Variants in COL19A1 observed in about 807,000 individuals in gnomAD.
COL19A1 encodes collagen type XIX alpha 1 chain, also known as collagen alpha-1(XIX) chain.
A neutral mutation model predicts 190.2 loss-of-function variants in COL19A1; 159 were observed. That is an observed-to-expected ratio of 0.84 (90% CI 0.73 to 0.95). COL19A1 has a LOEUF of 0.95. COL19A1 is among the 40% of genes least tolerant of loss of function. COL19A1 has a pLI of 0.00. For synonymous variants in COL19A1, 509 were observed against 458.9 expected, an observed-to-expected ratio of 1.11 and a Z score of -1.39; for missense variants, 1,418 against 1,431.9, an observed-to-expected ratio of 0.99 and a Z score of 0.16.
At chr6:70,091,264 G>A (rs760574059) in intron 15 of COL19A1, among the ~76,000 whole-genome samples, 12 of 152,046 alleles carry the variant, frequency 7.9e-5, no homozygotes, top group Non-Finnish European at 1.3e-4. Flanking sequence ...TCACTAATTT[G>A]CCTCACCCTT....
intron 16 of COL19A1, among the ~76,000 whole-genome samples, chr6:70,109,118 T>C (rs1010013009): frequency 3.3e-5 from 5 of 152,112 alleles, no homozygotes; most frequent in African/African-American, 9.7e-5. Flanking sequence ...CAATGGTTAA[T>C]AAGCAGTTAA....
chr6:70,171,876 G>A lies in COL19A1; in HGVS notation c.2569-88G>A, dbSNP rs150062659. 11,404 of 1,263,366 alleles carry A rather than the reference G, an allele frequency of 9.0e-3. 80 individuals are homozygous for A. Among genetic ancestry groups the A allele is most frequent in the Middle Eastern group, 0.018 (95 of 5,416 alleles). 78.3% of individuals were successfully genotyped at this position (1,263,366 alleles called of 1,614,324 possible). A position where few individuals can be genotyped will look rare whatever the true frequency, so the allele number is the denominator to read the frequency against. On this transcript the variant is annotated intron_variant, in intron 40 of 50. Transcript: ENST00000620364. ...ACACATCAATGTTTGGGGTGGGAAG[G>A]TTAAGCAAAAAAATCTTTGCTTTGG...
rs556851857 is a variant in COL19A1, at chr6:69,871,809, ATT to A, written c.-33+5191_-33+5192del. Among the ~76,000 whole-genome samples the A allele has an allele frequency of 7.2e-3, 796 of 110,158 alleles. 8 individuals are homozygous for A. The highest frequency in any genetic ancestry group is 0.019 in the African/African-American group (535 of 28,870). The allele number at this position is 110,158 out of a possible 152,430, so 72.3% of individuals were successfully genotyped here. A position where few individuals can be genotyped will look rare whatever the true frequency, so the allele number is the denominator to read the frequency against. ...GACCATCTTATTTAGCAAGTCCACCATTTTTTTTTTTTTTTTTTTTTTTGAAA... is the reference window on the plus strand; with the variant it reads ...GACCATCTTATTTAGCAAGTCCACCATTTTTTTTTTTTTTTTTTTTTGAAA... On this transcript the variant is annotated intron_variant, in intron 1 of 50. Coordinates refer to ENST00000620364, the MANE Select transcript of COL19A1 (RefSeq NM_001858.6).
In COL19A1 at chr6:69,921,231, T is replaced by C. The variant is rs1024681414; in HGVS notation, c.267-6678T>C. On this transcript the variant is annotated intron_variant, in intron 4 of 50. Transcript: ENST00000620364. The stretch of plus-strand genomic sequence containing the variant: ...TTCATATATAATATATCCATATGTA[T>C]TATATATCCATATATGTCATATATC... Among the ~76,000 whole-genome samples the C allele has an allele frequency of 2.3e-5, 3 of 132,298 alleles. No individual in the cohort carries two copies. The South Asian group carries it at 6.9e-4, about 30-fold the overall frequency. 86.8% of individuals were successfully genotyped at this position (132,298 alleles called of 152,430 possible).
intron 47 of COL19A1, among the ~76,000 whole-genome samples, chr6:70,189,450 C>T (rs563341054): frequency 1.9e-4 from 29 of 152,242 alleles, no homozygotes; most frequent in East Asian, 5.8e-4. Flanking sequence ...CAGAGTGGGG[C>T]TTATTGCCTT....
At chr6:70,123,985 A>G (rs1018065542) in intron 17 of COL19A1, among the ~76,000 whole-genome samples, 1 of 123,166 alleles carries the variant, frequency 8.1e-6, no homozygotes, top group African/African-American at 2.8e-5. Context: ...AAAAAAAACT[A>G]AAAAAAAAAG....
intron 48 of COL19A1, among the ~76,000 whole-genome samples, chr6:70,197,680 G>C (rs1046932398): frequency 3.3e-5 from 5 of 152,260 alleles, no homozygotes; most frequent in African/African-American, 1.2e-4. Flanking sequence ...ATCCCAGGTA[G>C]ATAGTGAGGT....
chr6:70,039,760 GTTT>G (rs61548544), intron 14 of COL19A1, among the ~76,000 whole-genome samples: 2 of 139,808 alleles, frequency 1.4e-5, no homozygotes, highest in Admixed American at 7.1e-5. Flanking sequence ...GGGAAGTATT[GTTT>G]TTTTTTTTTT....
At chr6:70,113,866 T>C (rs963527867) in intron 16 of COL19A1, among the ~76,000 whole-genome samples, 1 of 122,220 alleles carries the variant, frequency 8.2e-6, no homozygotes, top group South Asian at 2.4e-4. Context: ...TTTTTTTTTT[T>C]TGGAGATGGA....
intron 49 of COL19A1, among the ~76,000 whole-genome samples, chr6:70,206,651 A>AG (rs1248836431): frequency 1.1e-4 from 16 of 151,890 alleles, no homozygotes; most frequent in African/African-American, 3.6e-4. Flanking sequence ...AAAAAAAAAA[A>AG]AAAAGTTTGA....
chr6:70,003,231 G>A (rs1777384511), intron 11 of COL19A1, among the ~76,000 whole-genome samples: 1 of 152,172 alleles, frequency 6.6e-6, no homozygotes, highest in Non-Finnish European at 1.5e-5. Context: ...CTTGCACTGA[G>A]AGACTGTTTG....
intron 15 of COL19A1, among the ~76,000 whole-genome samples, chr6:70,075,363 G>T (rs1417103164): frequency 6.6e-6 from 1 of 152,144 alleles, no homozygotes; most frequent in Non-Finnish European, 1.5e-5. Flanking sequence ...GTGGACTTTG[G>T]CCGCTTGGTG....
intron 11 of COL19A1, among the ~76,000 whole-genome samples, chr6:70,006,832 A>T (rs1477369244): frequency 6.6e-6 from 1 of 152,116 alleles, no homozygotes; most frequent in Non-Finnish European, 1.5e-5. Context: ...AATACATCTA[A>T]ACTGAAATTT....
At chr6:70,159,821 A>AG (rs1284933816) in intron 34 of COL19A1, among the ~76,000 whole-genome samples, 6 of 152,180 alleles carry the variant, frequency 3.9e-5, no homozygotes, top group Non-Finnish European at 8.8e-5. Context: ...ATGATGACAA[A>AG]GAATGGTATG....
At chr6:69,997,050 A>AGAGAGAGAGAG (rs1562072235) in intron 11 of COL19A1, among the ~76,000 whole-genome samples, 2 of 144,164 alleles carry the variant, frequency 1.4e-5, no homozygotes, top group South Asian at 2.2e-4. Context: ...GAGAGAGAGA[A>AGAGAGAGAGAG]AGAGAACCAA....
chr6:69,994,754 T>C (rs1275099030), intron 11 of COL19A1, among the ~76,000 whole-genome samples: 2 of 152,154 alleles, frequency 1.3e-5, no homozygotes, highest in Non-Finnish European at 2.9e-5. Flanking sequence ...CACTGTATTT[T>C]ACCCCAGATG....
At chr6:70,184,548 C>A (rs1013149980) in intron 44 of COL19A1, among the ~76,000 whole-genome samples, 155 bp from the exon 45 acceptor site, 2 of 152,152 alleles carry the variant, frequency 1.3e-5, no homozygotes, top group African/African-American at 4.8e-5. Flanking sequence ...TCAGGACTGT[C>A]AGATTCTATT....
At chr6:69,976,875 T>C (rs1375266659) in intron 11 of COL19A1, among the ~76,000 whole-genome samples, 1 of 152,150 alleles carries the variant, frequency 6.6e-6, no homozygotes, top group Non-Finnish European at 1.5e-5. Context: ...GGTGATGTCA[T>C]GTTTAGCTCA....
chr6:70,065,984 C>A (rs1034651673), intron 14 of COL19A1, among the ~76,000 whole-genome samples: 2 of 152,152 alleles, frequency 1.3e-5, no homozygotes, highest in African/African-American at 4.8e-5. Context: ...AATAGGAACA[C>A]TTTTACACTG....
Sources: gnomAD v4.1 joint callset for allele counts (sites outside exome capture counted in the v4.1 genomes callset) on GRCh38, gnomAD v4.1.1 for gene constraint, MANE v1.5 for transcripts, NCBI Gene and HGNC (gene_info 2026-07-23, HGNC 2026-07-21) for gene names.